DTD1: variants seen among roughly 807,000 people sequenced by gnomAD.
DTD1 encodes the protein D-aminoacyl-tRNA deacylase 1.
Under a neutral mutation model 25.6 loss-of-function variants are expected in DTD1, and 13 were observed. The observed-to-expected ratio is 0.51, with a 90% confidence interval of 0.33 to 0.81. The LOEUF is 0.81. Ranked by LOEUF, DTD1 falls within the 30% of genes least tolerant of loss-of-function variation. DTD1 has a pLI of 0.02. For missense variants in DTD1, 193 were observed against 266.4 expected (o/e 0.72, Z 1.92); for synonymous variants, 110 against 103.6 (o/e 1.06, Z -0.37).
chr20:18,649,013 A>AAAAAAAAAAAAC (rs2060862084), intron 4 of DTD1, among the ~76,000 whole-genome samples: 1 of 150,314 alleles, frequency 6.7e-6, no homozygotes, highest in African/African-American at 2.5e-5. Context: ...AAAAAAAAAA[A>AAAAAAAAAAAAC]AAAAAAGCAA....
intron 3 of DTD1, among the ~76,000 whole-genome samples, chr20:18,619,268 T>A (rs2060723492): frequency 6.6e-6 from 1 of 152,236 alleles, no homozygotes; most frequent in African/African-American, 2.4e-5. Context: ...CTTAAGGGAC[T>A]GTTTGCTGGG....
intron 3 of DTD1, among the ~76,000 whole-genome samples, chr20:18,616,360 A>T (rs1019529700): frequency 5.9e-5 from 9 of 152,176 alleles, no homozygotes; most frequent in Admixed American, 6.5e-5. Flanking sequence ...CCAAATGGCA[A>T]ACTATATCTA....
chr20:18,660,143 G>T (rs2060904238), intron 4 of DTD1, among the ~76,000 whole-genome samples: 1 of 152,090 alleles, frequency 6.6e-6, no homozygotes, highest in East Asian at 1.9e-4. Context: ...GAGGGTGGAG[G>T]TTGCAGTGAG....
Position 18,745,322 on chromosome 20 carries a change from G to T in DTD1, c.*19+1051G>T, listed in dbSNP as rs73268464. 7.4e-3 allele frequency among the ~76,000 whole-genome samples: 1,125 copies of T among 152,284 alleles called. 19 individuals carry two copies. Among genetic ancestry groups the T allele is most frequent in the African/African-American group, 0.026 (1,066 of 41,552 alleles). On this transcript the variant is annotated intron_variant, in intron 5 of 5. Transcript: ENST00000377452. ...GAAAATGTGATGCGGCCATCTGATG[G>T]CACTGTGCCTAGTTCCTCCCACCAG...
chr20:18,655,615 G>A (rs955520028), intron 4 of DTD1, among the ~76,000 whole-genome samples: 6 of 152,278 alleles, frequency 3.9e-5, no homozygotes, highest in African/African-American at 7.2e-5. Context: ...GGCTGTAAGC[G>A]TGGACAATTG....
chr20:18,677,493 A>G (rs1331366039), intron 4 of DTD1, among the ~76,000 whole-genome samples: 2 of 152,168 alleles, frequency 1.3e-5, no homozygotes, highest in Non-Finnish European at 2.9e-5. Flanking sequence ...ACTGGCTAAC[A>G]TGCCTCTAAT....
intron 4 of DTD1, chr20:18,631,747 G>C: frequency 1.0e-6 from 1 of 985,262 alleles, no homozygotes; most frequent in Non-Finnish European, 1.2e-6. Context: ...ACTCCCTCTG[G>C]TTTTATTTGA....
chr20:18,689,922 A>AGCCT (rs879722853), intron 4 of DTD1, among the ~76,000 whole-genome samples: 949 of 149,284 alleles, frequency 6.4e-3, no homozygotes, highest in East Asian at 0.01. Flanking sequence ...GGATTACTTG[A>AGCCT]GGCCAAGAGT....
chr20:18,702,544 G>A (rs947733294), intron 4 of DTD1, among the ~76,000 whole-genome samples: 1 of 152,132 alleles, frequency 6.6e-6, no homozygotes, highest in Non-Finnish European at 1.5e-5. Context: ...TTGATCTACT[G>A]CAGATCAGAT....
At chr20:18,721,638 G>A (rs1250185426) in intron 4 of DTD1, among the ~76,000 whole-genome samples, 3 of 152,176 alleles carry the variant, frequency 2.0e-5, no homozygotes, top group African/African-American at 7.2e-5. Context: ...AGAACGATCT[G>A]TTCTTTGAAT....
At chr20:18,643,608 G>T in intron 4 of DTD1, 1 of 154,194 alleles carries the variant, frequency 6.5e-6, no homozygotes, top group East Asian at 1.9e-4. Flanking sequence ...CTTGTGTGAA[G>T]AGTTGTCTTC....
intron 3 of DTD1, 28 bp downstream of exon 3, chr20:18,596,269 G>T: frequency 6.3e-7 from 1 of 1,585,058 alleles, no homozygotes; most frequent in South Asian, 1.1e-5. Flanking sequence ...ATCCAGGAAC[G>T]GGTCTTTGGG....
chr20:18,730,524 G>T (rs1454633655), intron 4 of DTD1, among the ~76,000 whole-genome samples: 1 of 152,122 alleles, frequency 6.6e-6, no homozygotes, highest in Non-Finnish European at 1.5e-5. Context: ...CTTATTGTTT[G>T]TATTTGTATC....
At chr20:18,691,280 G>GA (rs1467234917) in intron 4 of DTD1, among the ~76,000 whole-genome samples, 2 of 152,138 alleles carry the variant, frequency 1.3e-5, no homozygotes, top group Non-Finnish European at 2.9e-5. Flanking sequence ...ATACCTAAGT[G>GA]AAAATAGATT....
intron 4 of DTD1, among the ~76,000 whole-genome samples, chr20:18,731,301 CT>C (rs1209276719): frequency 1.3e-5 from 2 of 152,078 alleles, no homozygotes; most frequent in Admixed American, 6.6e-5. Context: ...TCATCTTTTC[CT>C]CTGGGTATCA....
At chr20:18,663,411 A>C (rs562075890) in intron 4 of DTD1, among the ~76,000 whole-genome samples, 3 of 152,258 alleles carry the variant, frequency 2.0e-5, no homozygotes, top group African/African-American at 7.2e-5. Context: ...ACTTTGATCT[A>C]TGTTCTTACC....
intron 3 of DTD1, among the ~76,000 whole-genome samples, chr20:18,598,711 A>G (rs968716060): frequency 1.3e-5 from 2 of 148,294 alleles, no homozygotes; most frequent in African/African-American, 5.0e-5. Context: ...GGGTTTTACC[A>G]TGTTAGCTAG....
chr20:18,597,192 TG>T (rs2060615639), intron 3 of DTD1, among the ~76,000 whole-genome samples: 5 of 130,384 alleles, frequency 3.8e-5, no homozygotes, highest in African/African-American at 1.4e-4. Context: ...TGTGTGTGTG[TG>T]TGTGTGTATA....
At chr20:18,667,915 A>G (rs973872158) in intron 4 of DTD1, among the ~76,000 whole-genome samples, 3 of 152,208 alleles carry the variant, frequency 2.0e-5, no homozygotes, top group Admixed American at 1.3e-4. Context: ...TACCTACCTC[A>G]GGTGGGAATG....
Sources: allele counts gnomAD v4.1 joint callset (sites outside exome capture counted in the v4.1 genomes callset), GRCh38; gene constraint gnomAD v4.1.1; transcripts MANE v1.5; gene names NCBI Gene and HGNC (gene_info 2026-07-23, HGNC 2026-07-21).